The following NALCN variants were observed in gnomAD, a reference collection of about 807,000 sequenced individuals.
The protein encoded by NALCN is sodium leak channel, non-selective.
In NALCN, 111 loss-of-function variants were observed where a neutral mutation model predicts 225.3. That is an observed-to-expected ratio of 0.49 (90% CI 0.42 to 0.58). The LOEUF is 0.58. NALCN is among the 20% of genes least tolerant of loss of function. NALCN has a pLI of 0.00. For missense variants in NALCN, 1,378 were observed against 2,202.4 expected, an observed-to-expected ratio of 0.63 and a Z score of 7.49; for synonymous variants, 764 against 769.0, an observed-to-expected ratio of 0.99 and a Z score of 0.11.
In NALCN at chr13:101,261,485, A is replaced by G. The variant is rs146601548; in HGVS notation, c.1135-2911T>C. 7.6e-4 allele frequency among the ~76,000 whole-genome samples: 116 copies of G among 152,294 alleles called. 2 individuals are homozygous for G. Among genetic ancestry groups the G allele is most frequent in the African/African-American group, 2.6e-3 (110 of 41,570 alleles). ...ATATTGATTCTTCCAATCCATGAAT[A>G]TGGAATATTTTTCCATTTTTGGTGT... is the stretch of plus-strand genomic sequence containing the variant. On this transcript the variant is annotated intron_variant, in intron 10 of 43. Coordinates refer to ENST00000251127, the MANE Select transcript of NALCN (RefSeq NM_052867.4).
At chr13:101,360,189 CCT>C (rs759523803) in intron 6 of NALCN, among the ~76,000 whole-genome samples, 2,778 of 89,162 alleles carry the variant, frequency 0.031, 47 homozygotes, top group Middle Eastern at 0.07. Context: ...TTCCTCTCTT[CCT>C]CTCTCTCTCT....
chr13:101,217,335 T>A (rs1257693673), intron 13 of NALCN, among the ~76,000 whole-genome samples: 1 of 152,210 alleles, frequency 6.6e-6, no homozygotes, highest in Non-Finnish European at 1.5e-5. Context: ...ATACAATATA[T>A]TCATCCCAAC....
intron 30 of NALCN, among the ~76,000 whole-genome samples, chr13:101,088,640 G>A (rs988461997): frequency 6.6e-6 from 1 of 152,140 alleles, no homozygotes; most frequent in African/African-American, 2.4e-5. Context: ...CTCAAAAACT[G>A]CATGCACTTC....
At chr13:101,349,427 G>A (rs2045841291) in intron 6 of NALCN, among the ~76,000 whole-genome samples, 1 of 152,128 alleles carries the variant, frequency 6.6e-6, no homozygotes, top group South Asian at 2.1e-4. Context: ...CATAGCAAAA[G>A]GGAACTAAAG....
At chr13:101,336,799 C>T (rs1197352819) in intron 7 of NALCN, among the ~76,000 whole-genome samples, 1 of 152,060 alleles carries the variant, frequency 6.6e-6, no homozygotes, top group African/African-American at 2.4e-5. Context: ...TTTAAATATT[C>T]ATATCTCAAA....
chr13:101,124,267 C>G (rs777535088), intron 18 of NALCN, among the ~76,000 whole-genome samples: 13 of 152,030 alleles, frequency 8.6e-5, no homozygotes, highest in Non-Finnish European at 1.9e-4. Context: ...TACCCTTTTA[C>G]CATTTATCCT....
intron 7 of NALCN, among the ~76,000 whole-genome samples, chr13:101,307,389 C>G (rs2044188641): frequency 6.6e-6 from 1 of 152,176 alleles, no homozygotes; most frequent in African/African-American, 2.4e-5. Flanking sequence ...CAGTTCTCCA[C>G]CAACACACTG....
At position 101,074,380 on chromosome 13, in the gene NALCN, T is replaced by A. The variant is rs914814387; in HGVS notation, c.4103+134A>T. ...AATATCATTTAAAACTTGGCTATTT[T>A]ATTTTAATTTCCAACTGATTACTTC... On this transcript the variant is annotated intron_variant, in intron 36 of 43. Coordinates refer to ENST00000251127, the MANE Select transcript of NALCN (RefSeq NM_052867.4). 3.9e-6 allele frequency: 3 copies of A among 767,206 alleles called. No homozygotes were observed. The African/African-American group carries it at 5.4e-5, about 14-fold the overall frequency. 47.5% of individuals were successfully genotyped at this position (767,206 alleles called of 1,614,324 possible). A position where few individuals can be genotyped will look rare whatever the true frequency, so the allele number is the denominator to read the frequency against.
chr13:101,304,599 G>T (rs1000411053), intron 7 of NALCN, among the ~76,000 whole-genome samples: 1 of 151,992 alleles, frequency 6.6e-6, no homozygotes, highest in East Asian at 1.9e-4. Flanking sequence ...TACCACGCCT[G>T]GTTAATTTTT....
At chr13:101,213,769 G>A (rs1479999525) in intron 13 of NALCN, among the ~76,000 whole-genome samples, 5 of 152,128 alleles carry the variant, frequency 3.3e-5, no homozygotes, top group Admixed American at 3.3e-4. Context: ...AGTTAGAATG[G>A]CGATCATTAA....
intron 10 of NALCN, among the ~76,000 whole-genome samples, chr13:101,280,911 C>T: frequency 7.2e-6 from 1 of 139,806 alleles, no homozygotes. Flanking sequence ...GACAGAGTCT[C>T]ACTCTGTTGC....
chr13:101,227,053 C>G (rs1418114824), intron 13 of NALCN, among the ~76,000 whole-genome samples: 4 of 152,180 alleles, frequency 2.6e-5, no homozygotes, highest in Non-Finnish European at 4.4e-5. Flanking sequence ...CGCTGGAGAG[C>G]TGGAGAGCGG....
chr13:101,180,359 C>G (rs139531860), intron 14 of NALCN: 1 of 150,958 alleles, frequency 6.6e-6, no homozygotes, highest in Non-Finnish European at 1.5e-5. Context: ...GCACCTACCA[C>G]CATGCCTGGC....
At chr13:101,344,885 C>G (rs2045667987) in intron 7 of NALCN, among the ~76,000 whole-genome samples, 1 of 152,268 alleles carries the variant, frequency 6.6e-6, no homozygotes, top group East Asian at 1.9e-4. Flanking sequence ...TTAAGACTTA[C>G]CTTGCCTATT....
At chr13:101,301,748 A>AC (rs903760896) in intron 7 of NALCN, among the ~76,000 whole-genome samples, 33 of 151,636 alleles carry the variant, frequency 2.2e-4, no homozygotes, top group South Asian at 4.2e-4. Flanking sequence ...CAAGAAAAAA[A>AC]AAAACAAAAC....
Position 101,237,788 on chromosome 13 carries a change from T to G in NALCN, c.1401A>C (p.Pro467=). 1 of 1,598,812 alleles carries G rather than the reference T, an allele frequency of 6.3e-7. No homozygotes were observed. The highest frequency in any genetic ancestry group is 2.3e-5 in the East Asian group (1 of 43,896). ...ACGTGAATTGTGAATGATAAAGATC[T>G]GGGTATACATGAAGAGTAGTTCCAA... ...LVIGTTLHVY[P]DLYHSQFTYF... Residue 467 remains proline, a synonymous_variant, in exon 12 of 44, where the codon CCA becomes CCC. Transcript: ENST00000251127.
chr13:101,347,034 G>C (rs966144541), intron 6 of NALCN, among the ~76,000 whole-genome samples: 1 of 151,670 alleles, frequency 6.6e-6, no homozygotes, highest in Non-Finnish European at 1.5e-5. Flanking sequence ...ATGTTCAGTT[G>C]CTGCTTCCAT....
At chr13:101,295,629 A>G (rs1226785459) in intron 7 of NALCN, among the ~76,000 whole-genome samples, 2 of 152,186 alleles carry the variant, frequency 1.3e-5, no homozygotes, top group Middle Eastern at 3.2e-3. Flanking sequence ...AGAAACCCAC[A>G]GTACAGCTCA....
chr13:101,104,825 T>C lies in NALCN; in HGVS notation c.2636+69A>G. On this transcript the variant is annotated intron_variant, in intron 23 of 43. Transcript: ENST00000251127. This position sits in a 1 kb window ranked among gnomAD's most constrained non-coding sequence, Gnocchi z 4.2. ...AGAAAATAAAAGAGAATTTTAATCGTTGTATGCAGCATAAAATAGTACATG... is the reference window on the plus strand; with the variant it reads ...AGAAAATAAAAGAGAATTTTAATCGCTGTATGCAGCATAAAATAGTACATG... 1 of 1,576,582 alleles carries C rather than the reference T, an allele frequency of 6.3e-7. No homozygotes were observed. Among genetic ancestry groups the C allele is most frequent in the Non-Finnish European group, 8.7e-7 (1 of 1,147,208 alleles).
Sources: allele counts gnomAD v4.1 joint callset (sites outside exome capture counted in the v4.1 genomes callset), GRCh38; gene constraint gnomAD v4.1.1; non-coding constraint Gnocchi (gnomAD v3.1); transcripts MANE v1.5; gene names NCBI Gene and HGNC (gene_info 2026-07-23, HGNC 2026-07-21).